The following DCDC1 variants were observed in gnomAD, a reference collection of about 807,000 sequenced individuals.
DCDC1 encodes the protein doublecortin domain-containing protein 1.
In DCDC1, 200 loss-of-function variants were observed where a neutral mutation model predicts 178.3. The ratio of observed to expected loss-of-function variants is 1.12; its 90% CI spans 1.00 to 1.26. The LOEUF is 1.26. Ranked by LOEUF, DCDC1 falls within the 50% of genes most tolerant of loss-of-function variation. The pLI, the probability that DCDC1 is intolerant of heterozygous loss-of-function variation, is 0.00. For missense variants in DCDC1, 1,983 were observed against 1,749.2 expected (o/e 1.13, Z -2.38); for synonymous variants, 690 against 604.8 (o/e 1.14, Z -2.07).
intron 9 of DCDC1, among the ~76,000 whole-genome samples, chr11:31,205,144 T>C (rs1971723036): frequency 2.6e-5 from 4 of 152,222 alleles, no homozygotes. Context: ...AATCATATTA[T>C]AGCTTGCTTT....
rs375510209 is a variant in DCDC1, at chr11:31,094,046, G to A, written c.2118+4C>T. On this transcript the variant is annotated splice_donor_region_variant and intron_variant, in intron 16 of 38. Coordinates refer to ENST00000684477, the MANE Select transcript of DCDC1 (RefSeq NM_001387274.1). The stretch of plus-strand genomic sequence containing the variant: ...ACTCAGCAAAAGCAGACACTCTTAG[G>A]TACCTTGGTGATCAGCCACACACTG... The A allele has an allele frequency of 2.5e-5, 19 of 765,860 alleles. No homozygotes were observed. The highest frequency in any genetic ancestry group is 3.4e-5 in the Admixed American group (2 of 58,978). The allele number at this position is 765,860 out of a possible 1,614,324, so 47.4% of individuals were successfully genotyped here. A position where few individuals can be genotyped will look rare whatever the true frequency, so the allele number is the denominator to read the frequency against.
At chr11:31,325,464 C>T (rs1391501842) in intron 3 of DCDC1, among the ~76,000 whole-genome samples, 1 of 152,070 alleles carries the variant, frequency 6.6e-6, no homozygotes, top group Admixed American at 6.6e-5. Flanking sequence ...GTATAATAAG[C>T]TGAAAACATT....
At chr11:30,925,103 C>T (rs1946510670) in intron 23 of DCDC1, among the ~76,000 whole-genome samples, 1 of 151,646 alleles carries the variant, frequency 6.6e-6, no homozygotes, top group African/African-American at 2.4e-5. Flanking sequence ...ATTTATATAC[C>T]ACTCTGAAAA....
chr11:31,269,634 C>A (rs945461564), intron 7 of DCDC1, among the ~76,000 whole-genome samples: 3 of 152,118 alleles, frequency 2.0e-5, no homozygotes, highest in African/African-American at 7.2e-5. Context: ...GATCCTCCTG[C>A]CTCAGCCTCC....
chr11:31,148,211 A>T (rs1476229740), intron 9 of DCDC1, among the ~76,000 whole-genome samples: 8 of 36,338 alleles, frequency 2.2e-4, no homozygotes, highest in African/African-American at 6.7e-4. Context: ...TTATTATTAT[A>T]AAAAAAAAAA....
At chr11:31,309,142 TTGTGTGTGTG>T (rs56349731) in intron 3 of DCDC1, among the ~76,000 whole-genome samples, 2 of 147,958 alleles carry the variant, frequency 1.4e-5, no homozygotes, top group African/African-American at 5.1e-5. Flanking sequence ...AAATAGATGT[TTGTGTGTGTG>T]TGTGTGTGTG....
chr11:31,161,885 G>A (rs949495837), intron 9 of DCDC1, among the ~76,000 whole-genome samples: 4 of 152,134 alleles, frequency 2.6e-5, no homozygotes, highest in African/African-American at 4.8e-5. Flanking sequence ...GAATATCAAT[G>A]TGGCCAATTC....
intron 20 of DCDC1, among the ~76,000 whole-genome samples, chr11:30,982,047 C>T (rs290075): frequency 0.023 from 3,495 of 152,194 alleles, 146 homozygotes; most frequent in African/African-American, 0.08. Flanking sequence ...AGATAGCTAA[C>T]CAAAATTCTT....
At chr11:31,283,726 T>G (rs1946616493) in intron 7 of DCDC1, among the ~76,000 whole-genome samples, 1 of 152,174 alleles carries the variant, frequency 6.6e-6, no homozygotes, top group African/African-American at 2.4e-5. Context: ...TAGCTGTTCT[T>G]TTCCTGGCAG....
intron 9 of DCDC1, among the ~76,000 whole-genome samples, chr11:31,232,970 G>C (rs11031327): frequency 0.33 from 49,684 of 151,662 alleles, 8,837 homozygotes; most frequent in East Asian, 0.63. Context: ...TGCCTGTAAC[G>C]CCAGCTACTC....
intron 11 of DCDC1, among the ~76,000 whole-genome samples, chr11:31,126,444 G>A (rs891170106): frequency 5.3e-5 from 8 of 152,170 alleles, no homozygotes; most frequent in Non-Finnish European, 8.8e-5. Flanking sequence ...TTCCCAAAAA[G>A]TCCATTTTTA....
At chr11:31,127,401 T>G in intron 11 of DCDC1, 68 bp downstream of exon 11, 1 of 620,580 alleles carries the variant, frequency 1.6e-6, no homozygotes, top group Non-Finnish European at 2.9e-6. Context: ...TTGTTATAAG[T>G]GTTTTCAAAT....
At chr11:31,209,915 C>T (rs1972297857) in intron 9 of DCDC1, among the ~76,000 whole-genome samples, 1 of 152,180 alleles carries the variant, frequency 6.6e-6, no homozygotes, top group Non-Finnish European at 1.5e-5. Context: ...GTCCACCAGA[C>T]ACAATGAGAT....
chr11:31,204,412 CAA>C (rs758768184), intron 9 of DCDC1, among the ~76,000 whole-genome samples: 1 of 141,904 alleles, frequency 7.0e-6, no homozygotes, highest in Non-Finnish European at 1.5e-5. Context: ...TATTTAAGGA[CAA>C]AAAAAGATAG....
chr11:30,865,752 AG>A (rs1940922801), intron 38 of DCDC1, among the ~76,000 whole-genome samples: 2 of 151,994 alleles, frequency 1.3e-5, no homozygotes, highest in African/African-American at 2.4e-5. Context: ...ATAGGATAAT[AG>A]TTTTTTTTTT....
At chr11:31,043,325 G>A (rs1954605217) in intron 20 of DCDC1, among the ~76,000 whole-genome samples, 1 of 152,278 alleles carries the variant, frequency 6.6e-6, no homozygotes, top group East Asian at 1.9e-4. Context: ...TGGTAGGTTC[G>A]TATGTATCTG....
intron 9 of DCDC1, among the ~76,000 whole-genome samples, chr11:31,216,858 C>T (rs1025599146): frequency 1.3e-5 from 2 of 152,206 alleles, no homozygotes; most frequent in African/African-American, 4.8e-5. Context: ...CTTGCTTTTA[C>T]TCTCAAAATA....
At chr11:31,084,592 TA>T (rs1211774908) in intron 17 of DCDC1, among the ~76,000 whole-genome samples, 1 of 152,128 alleles carries the variant, frequency 6.6e-6, no homozygotes. Context: ...AAAGGCAAGT[TA>T]AAAGGTGAGC....
At chr11:31,202,792 T>C (rs1207781878) in intron 9 of DCDC1, among the ~76,000 whole-genome samples, 1 of 152,014 alleles carries the variant, frequency 6.6e-6, no homozygotes, top group African/African-American at 2.4e-5. Flanking sequence ...GGTCCTCTGC[T>C]CCATATACGG....
Sources: gnomAD v4.1 joint callset for allele counts (sites outside exome capture counted in the v4.1 genomes callset) on GRCh38, gnomAD v4.1.1 for gene constraint, MANE v1.5 for transcripts, NCBI Gene and HGNC (gene_info 2026-07-23, HGNC 2026-07-21) for gene names.